CEP68: variants seen among roughly 807,000 people sequenced by gnomAD.
The protein encoded by CEP68 is centrosomal protein of 68 kDa.
A neutral mutation model predicts 55.3 loss-of-function variants in CEP68; 26 were observed. The ratio of observed to expected loss-of-function variants is 0.47; its 90% CI spans 0.34 to 0.65. The LOEUF is 0.65. Among genes scored for constraint, CEP68 ranks in the 30% least tolerant of loss-of-function variants. The pLI, the probability that CEP68 is intolerant of heterozygous loss-of-function variation, is 0.01. For synonymous variants in CEP68, 402 were observed against 383.2 expected (o/e 1.05, Z -0.57); for missense variants, 957 against 946.7 (o/e 1.01, Z -0.14).
intron 1 of CEP68, among the ~76,000 whole-genome samples, chr2:65,069,154 C>T (rs984458992): frequency 3.3e-5 from 5 of 152,186 alleles, no homozygotes; most frequent in Non-Finnish European, 7.3e-5. Context: ...TCTTGGGTTT[C>T]TGCTGGTGGG....
rs779546292 is a variant in CEP68, at chr2:65,072,571, T to A, written c.1475T>A (p.Val492Asp). 38 of 1,613,736 alleles carry A rather than the reference T, an allele frequency of 2.4e-5. No homozygotes were observed. The South Asian group carries it at 3.8e-4, about 16-fold the overall frequency. Residue 492 changes from valine (V) to aspartate (D), a missense_variant, in exon 3 of 7, where the codon GTT becomes GAT. Val to Asp is a radical substitution (Grantham distance 152, BLOSUM62 -3). Coordinates refer to ENST00000377990, the MANE Select transcript of CEP68 (RefSeq NM_015147.3). ...GCCCTCCCCGCTCGGCTGACACAGGTTTCTAGCCTGGTTTCGTATCTAGGA... is the reference window on the plus strand; with the variant it reads ...GCCCTCCCCGCTCGGCTGACACAGGATTCTAGCCTGGTTTCGTATCTAGGA... ...YLALPARLTQ[V>D]SSLVSYLGSI...
chr2:65,061,279 ATAAG>A (rs1204656799), intron 1 of CEP68, among the ~76,000 whole-genome samples: 6 of 152,338 alleles, frequency 3.9e-5, no homozygotes, highest in African/African-American at 1.2e-4. Context: ...CAGCCAACAG[ATAAG>A]TGAGTGAGAA....
intron 4 of CEP68, 79 bp from the exon 5 acceptor site, chr2:65,077,789 C>T: frequency 1.9e-6 from 2 of 1,066,370 alleles, no homozygotes; most frequent in Non-Finnish European, 2.8e-6. Flanking sequence ...GGCTTCCCTA[C>T]ATGCTGTGCT....
intron 5 of CEP68, among the ~76,000 whole-genome samples, chr2:65,081,202 A>C: frequency 1.2e-5 from 1 of 81,200 alleles, no homozygotes. Flanking sequence ...ACAGAGTGAG[A>C]CTCCATCTCA....
In CEP68 at chr2:65,084,450, C is replaced by G. The variant is rs1668969613; in HGVS notation, c.*816C>G. On this transcript the variant is annotated 3_prime_UTR_variant, in exon 7 of 7. Transcript: ENST00000377990. ...TAGGATGACACAGTAAGTACAGAAA[C>G]TGAAGCTGTCAATAGTGAAGGAAAA... The G allele has an allele frequency of 6.6e-6, 1 of 151,648 alleles. No individual in the cohort carries two copies. The highest frequency in any genetic ancestry group is 1.5e-5 in the Non-Finnish European group (1 of 67,982). The allele number at this position is 151,648 out of a possible 1,614,324, so 9.4% of individuals were successfully genotyped here.
In CEP68 at chr2:65,060,282, T is replaced by C. The variant is rs139720969; in HGVS notation, c.-47+3754T>C. 2.0e-3 allele frequency among the ~76,000 whole-genome samples: 306 copies of C among 152,342 alleles called. 1 individual carries two copies. Among genetic ancestry groups the C allele is most frequent in the African/African-American group, 6.9e-3 (286 of 41,586 alleles). On this transcript the variant is annotated intron_variant, in intron 1 of 6. Coordinates refer to ENST00000377990, the MANE Select transcript of CEP68 (RefSeq NM_015147.3). ...TTATAAAGTGAAAATGTCTGCTGAA[T>C]GGAGACAGCTGTTTCTGTTATTGAG...
At chr2:65,081,338 C>A (rs1677006919) in intron 5 of CEP68, among the ~76,000 whole-genome samples, 1 of 152,194 alleles carries the variant, frequency 6.6e-6, no homozygotes, top group Non-Finnish European at 1.5e-5. Flanking sequence ...CAGCACTTTG[C>A]CCTGATGACA....
chr2:65,067,076 T>TA (rs1374343163), intron 1 of CEP68, among the ~76,000 whole-genome samples: 3,006 of 143,046 alleles, frequency 0.021, 54 homozygotes, highest in African/African-American at 0.056. Context: ...TACTTTTATG[T>TA]AAAAAAAAAA....
rs948804068 is a variant in CEP68 at position 65,071,519 on chromosome 2, A to G, written c.423A>G (p.Thr141=). ...AGACTCTGAGCCTTCCCAGAACAAC[A>G]ACTATTTGCTCAGGACATGATGCTG... ...FPQTLSLPRT[T]TICSGHDADT... is the part of the protein sequence containing the mutation. Residue 141 remains threonine, a synonymous_variant, in exon 3 of 7, where the codon ACA becomes ACG. Coordinates refer to ENST00000377990, the MANE Select transcript of CEP68 (RefSeq NM_015147.3). The G allele has an allele frequency of 2.5e-6, 4 of 1,602,814 alleles. No individual in the cohort carries two copies. The highest frequency in any genetic ancestry group is 2.6e-6 in the Non-Finnish European group (3 of 1,170,616).
At chr2:65,066,500 C>T (rs192748487) in intron 1 of CEP68, among the ~76,000 whole-genome samples, 30 of 151,450 alleles carry the variant, frequency 2.0e-4, no homozygotes, top group African/African-American at 6.5e-4. Flanking sequence ...GAGGCTGAGG[C>T]GGGTGGATCA....
Position 65,069,457 on chromosome 2 carries a change from G to A in CEP68, c.13G>A (p.Glu5Lys). The change falls in exon 2 of 7, where the codon GAA becomes AAA. Residue 5 changes from glutamate (E) to lysine (K), a missense_variant. Transcript: ENST00000377990. ...GTAGGGAGTCTCAATGGCCCTGGGT[G>A]AAGAAAAGGCAGAAGCGGAAGCATC... MALG[E>K]EKAEAEASED... 6.6e-7 allele frequency: 1 copy of A among 1,515,324 alleles called. No homozygotes were observed. Among genetic ancestry groups the A allele is most frequent in the Non-Finnish European group, 8.8e-7 (1 of 1,131,006 alleles). 93.9% of individuals were successfully genotyped at this position (1,515,324 alleles called of 1,614,324 possible).
rs766102945 is a variant in CEP68 at position 65,072,558 on chromosome 2, C to A, written c.1462C>A (p.Arg488=). The part of the protein sequence containing the change: ...SDDEYLALPA[R]LTQVSSLVSY... ...TGACGAGTATCTTGCCCTCCCCGCT[C>A]GGCTGACACAGGTTTCTAGCCTGGT... Residue 488 remains arginine, a synonymous_variant, in exon 3 of 7, where the codon CGG becomes AGG. Transcript: ENST00000377990. 3.7e-6 allele frequency: 6 copies of A among 1,613,944 alleles called. No homozygotes were observed. Among genetic ancestry groups the A allele is most frequent in the Non-Finnish European group, 5.1e-6 (6 of 1,180,028 alleles).
chr2:65,081,784 G>C (rs1668831090), intron 5 of CEP68, among the ~76,000 whole-genome samples: 1 of 152,148 alleles, frequency 6.6e-6, no homozygotes, highest in South Asian at 2.1e-4. Flanking sequence ...CACAACCTCT[G>C]CCTCCCGGGT....
At chr2:65,077,768 GA>G in intron 4 of CEP68, 99 bp from the exon 5 acceptor site, 1 of 786,150 alleles carries the variant, frequency 1.3e-6, no homozygotes, top group Non-Finnish European at 2.1e-6. Flanking sequence ...TTACACATTA[GA>G]GGGGAATAAG....
At chr2:65,068,514 G>T (rs528763062) in intron 1 of CEP68, among the ~76,000 whole-genome samples, 1 of 152,294 alleles carries the variant, frequency 6.6e-6, no homozygotes, top group South Asian at 2.1e-4. Context: ...GCATAACCCA[G>T]GCCAGCCTGA....
intron 1 of CEP68, among the ~76,000 whole-genome samples, chr2:65,059,215 C>G (rs192085198): frequency 6.6e-6 from 1 of 152,314 alleles, no homozygotes; most frequent in East Asian, 1.9e-4. Context: ...TGGCTTTAGA[C>G]CTGTCTGCCA....
intron 1 of CEP68, among the ~76,000 whole-genome samples, chr2:65,059,202 T>G (rs187115065): frequency 3.4e-4 from 52 of 152,332 alleles, no homozygotes; most frequent in African/African-American, 1.3e-3. Flanking sequence ...GAAATGTTCC[T>G]GTTGGCTTTA....
intron 4 of CEP68, chr2:65,074,767 C>G (rs181107141): frequency 2.1e-5 from 5 of 238,496 alleles, no homozygotes; most frequent in South Asian, 4.7e-5. Flanking sequence ...TAGCAAGACC[C>G]CCCCCCCTCA....
chr2:65,082,464 T>C, intron 5 of CEP68, 72 bp from the exon 6 acceptor site: 1 of 1,377,204 alleles, frequency 7.3e-7, no homozygotes, highest in Non-Finnish European at 9.7e-7. Context: ...GTATGTTCTT[T>C]TGAAAATGCT....
Sources: allele counts gnomAD v4.1 joint callset (sites outside exome capture counted in the v4.1 genomes callset), GRCh38; gene constraint gnomAD v4.1.1; transcripts MANE v1.5; gene names NCBI Gene and HGNC (gene_info 2026-07-23, HGNC 2026-07-21).